MECOM: variants seen among roughly 807,000 people sequenced by gnomAD.
MECOM encodes MDS1 and EVI1 complex locus.
MECOM carries 13 observed loss-of-function variants against 116.3 expected under a neutral mutation model. The ratio of observed to expected loss-of-function variants is 0.11; its 90% CI spans 0.07 to 0.18. The LOEUF is 0.18. Among genes scored for constraint, MECOM ranks in the 10% least tolerant of loss-of-function variants. The pLI is 1.00. For synonymous variants in MECOM, 528 were observed against 535.2 expected, an observed-to-expected ratio of 0.99 and a Z score of 0.19; for missense variants, 1,299 against 1,509.0, an observed-to-expected ratio of 0.86 and a Z score of 2.31.
intron 2 of MECOM, among the ~76,000 whole-genome samples, chr3:169,337,363 C>T (rs551713966): frequency 1.3e-5 from 2 of 152,250 alleles, no homozygotes; most frequent in East Asian, 3.9e-4. Context: ...ACCTCTCAGA[C>T]CTGTGGTTCA....
intron 2 of MECOM, among the ~76,000 whole-genome samples, chr3:169,350,232 A>G (rs1005753139): frequency 6.6e-6 from 1 of 152,022 alleles, no homozygotes; most frequent in African/African-American, 2.4e-5. Flanking sequence ...ATATTTTAAC[A>G]GAACTAAAAA....
Position 169,640,568 on chromosome 3 carries a change from G to C in MECOM, c.37+22768C>G, listed in dbSNP as rs188970033. Among the ~76,000 whole-genome samples the C allele has an allele frequency of 4.6e-5, 7 of 152,314 alleles. No individual in the cohort carries two copies. The East Asian group carries it at 1.2e-3, about 25-fold the overall frequency. ...GGCTTCTCTTCTGTAAGGGGTGGTG[G>C]TAACAGTAGCAGCTTTACAGAGGTC... On this transcript the variant is annotated intron_variant, in intron 1 of 16. Transcript: ENST00000651503.
At chr3:169,637,289 C>T (rs749818186) in intron 1 of MECOM, among the ~76,000 whole-genome samples, 12 of 152,000 alleles carry the variant, frequency 7.9e-5, no homozygotes, top group East Asian at 1.9e-4. Context: ...CACATGAGAC[C>T]GCAAATGAGA....
intron 2 of MECOM, among the ~76,000 whole-genome samples, chr3:169,344,386 A>C (rs1054566264): frequency 6.6e-6 from 1 of 152,194 alleles, no homozygotes; most frequent in Non-Finnish European, 1.5e-5. Context: ...CATCAACTAC[A>C]GTGTGTTTCT....
chr3:169,511,851 A>C (rs1756010451), intron 1 of MECOM, among the ~76,000 whole-genome samples: 1 of 152,150 alleles, frequency 6.6e-6, no homozygotes, highest in Admixed American at 6.5e-5. Flanking sequence ...CTGTTTAACA[A>C]TTTCTATAAT....
chr3:169,355,618 T>C (rs186404353), intron 2 of MECOM, among the ~76,000 whole-genome samples: 4 of 152,076 alleles, frequency 2.6e-5, no homozygotes, highest in East Asian at 1.9e-4. Context: ...GATAGCATTA[T>C]TATCAGTAAA....
intron 1 of MECOM, among the ~76,000 whole-genome samples, chr3:169,510,270 A>AC (rs1254671620): frequency 1.3e-5 from 2 of 150,906 alleles, no homozygotes; most frequent in Admixed American, 6.6e-5. Context: ...GTGTCCCCCC[A>AC]CCCCCCTTAT....
intron 1 of MECOM, among the ~76,000 whole-genome samples, chr3:169,467,857 T>A (rs1368813876): frequency 6.6e-6 from 1 of 152,098 alleles, no homozygotes; most frequent in Non-Finnish European, 1.5e-5. Context: ...GAAAGAAAAT[T>A]GAGATGACCC....
At chr3:169,316,270 A>G (rs1038766386) in intron 2 of MECOM, among the ~76,000 whole-genome samples, 7 of 152,256 alleles carry the variant, frequency 4.6e-5, no homozygotes, top group Non-Finnish European at 1.0e-4. Flanking sequence ...ACAACGCAGA[A>G]GAATTAAAAC....
At position 169,494,811 on chromosome 3, in the gene MECOM, A is replaced by G. The variant is rs529340279; in HGVS notation, c.38-113287T>C. On this transcript the variant is annotated intron_variant, in intron 1 of 16. Transcript: ENST00000651503. ...AACTGAGAGTCACTGCCTTCATGAG[A>G]AGAAATCTTTTAGTTATCTATTAAA... 2.6e-5 allele frequency among the ~76,000 whole-genome samples: 4 copies of G among 152,312 alleles called. No homozygotes were observed. In the South Asian group the frequency reaches 8.3e-4, roughly 32 times the overall value.
At chr3:169,643,651 C>T (rs993912195) in intron 1 of MECOM, among the ~76,000 whole-genome samples, 1 of 152,190 alleles carries the variant, frequency 6.6e-6, no homozygotes, top group Admixed American at 6.5e-5. Context: ...AAATCATTCA[C>T]CAAGTGGAAG....
intron 2 of MECOM, among the ~76,000 whole-genome samples, chr3:169,319,218 A>G (rs560570816): frequency 3.7e-4 from 57 of 152,354 alleles, no homozygotes; most frequent in African/African-American, 1.3e-3. Flanking sequence ...AATGTGGTAC[A>G]TATACACCAT....
chr3:169,622,507 A>G (rs1245918657), intron 1 of MECOM, among the ~76,000 whole-genome samples: 1 of 152,228 alleles, frequency 6.6e-6, no homozygotes, highest in Non-Finnish European at 1.5e-5. Context: ...TGCAAAGAGA[A>G]TATTTTCAGA....
At chr3:169,212,090 T>C in intron 2 of MECOM, among the ~76,000 whole-genome samples, 1 of 152,132 alleles carries the variant, frequency 6.6e-6, no homozygotes, top group East Asian at 1.9e-4. Context: ...CTCATGGGGC[T>C]TGAGAAATAT....
chr3:169,410,001 CA>C lies in MECOM; in HGVS notation c.38-28478del, dbSNP rs142234462. Among the ~76,000 whole-genome samples, 278 of 152,254 alleles carry C rather than the reference CA, an allele frequency of 1.8e-3. 5 individuals carry two copies. In the East Asian group the frequency reaches 0.048, roughly 26 times the overall value. On this transcript the variant is annotated intron_variant, in intron 1 of 16. Coordinates refer to ENST00000651503, the MANE Select transcript of MECOM (RefSeq NM_004991.4). ...TTATCATTCACCAATACTATGGCTA[CA>C]AAAATGAAATCTGAGGCCTAATTTG...
At chr3:169,493,534 G>A (rs1373140262) in intron 1 of MECOM, among the ~76,000 whole-genome samples, 1 of 151,504 alleles carries the variant, frequency 6.6e-6, no homozygotes, top group Non-Finnish European at 1.5e-5. Flanking sequence ...ATGTATGTAA[G>A]ACATACAGAC....
intron 2 of MECOM, among the ~76,000 whole-genome samples, chr3:169,235,598 A>G (rs1364843324): frequency 6.6e-6 from 1 of 152,076 alleles, no homozygotes; most frequent in Non-Finnish European, 1.5e-5. Flanking sequence ...AACCAAATAA[A>G]TGATATTTCT....
chr3:169,459,210 C>G (rs1747018798), intron 1 of MECOM, among the ~76,000 whole-genome samples: 1 of 152,160 alleles, frequency 6.6e-6, no homozygotes, highest in African/African-American at 2.4e-5. Flanking sequence ...AAACCGTAAA[C>G]CTCAAACATA....
chr3:169,462,976 C>T (rs1747706665), intron 1 of MECOM, among the ~76,000 whole-genome samples: 1 of 152,062 alleles, frequency 6.6e-6, no homozygotes, highest in Non-Finnish European at 1.5e-5. Flanking sequence ...TTTTTCAAAG[C>T]CCAGTTCAAT....
Sources: allele counts gnomAD v4.1 joint callset (sites outside exome capture counted in the v4.1 genomes callset), GRCh38; gene constraint gnomAD v4.1.1; transcripts MANE v1.5; gene names NCBI Gene and HGNC (gene_info 2026-07-23, HGNC 2026-07-21).